The following LILRB2 variants were observed in gnomAD, a reference collection of about 807,000 sequenced individuals.
LILRB2 encodes leukocyte immunoglobulin-like receptor subfamily B member 2.
A neutral mutation model predicts 72.7 loss-of-function variants in LILRB2; 47 were observed. The ratio of observed to expected loss-of-function variants is 0.65; its 90% confidence interval spans 0.51 to 0.82. LILRB2 has a LOEUF of 0.82. LILRB2 is among the 40% of genes least tolerant of loss of function. The pLI, the probability that LILRB2 is intolerant of heterozygous loss-of-function variation, is 0.00. For synonymous variants in LILRB2, 279 were observed against 313.7 expected (o/e 0.89, Z 1.17); for missense variants, 767 against 764.8 (o/e 1.00, Z -0.03).
At position 54,274,005 on chromosome 19, in the gene LILRB2, A is replaced by G. The variant is rs956005253; in HGVS notation, c.*678T>C. On this transcript the variant is annotated 3_prime_UTR_variant, in exon 14 of 14. Transcript: ENST00000314446. ...ATCCATTTAATCTGCATTTTCTAGT[A>G]TATTGGTATAGGTTTGCAGCCTGTT... 3 of 152,468 alleles carry G rather than the reference A, an allele frequency of 2.0e-5. No individual in the cohort carries two copies. The highest frequency in any genetic ancestry group is 4.4e-5 in the Non-Finnish European group (3 of 68,256). The allele number at this position is 152,468 out of a possible 1,614,324, so 9.4% of individuals were successfully genotyped here. A position where few individuals can be genotyped will look rare whatever the true frequency, so the allele number is the denominator to read the frequency against.
In LILRB2 at chr19:54,277,809, G is replaced by A. The variant is rs576669306; in HGVS notation, c.1309+80C>T. The A allele has an allele frequency of 8.2e-5, 112 of 1,363,586 alleles. No individual in the cohort carries two copies. The African/African-American group carries it at 1.5e-3, about 19-fold the overall frequency. 84.5% of individuals were successfully genotyped at this position (1,363,586 alleles called of 1,614,324 possible). On this transcript the variant is annotated intron_variant, in intron 8 of 13. Transcript: ENST00000314446. ...GAAGCCCTTGATTGAGTCCCTGAAG[G>A]GAATGGGATCCTCCTGGACACTCAA...
chr19:54,279,375 G>T lies in LILRB2; in HGVS notation c.628C>A (p.Pro210Thr). 1.9e-6 allele frequency: 3 copies of T among 1,613,866 alleles called. No individual in the cohort carries two copies. Among genetic ancestry groups the T allele is most frequent in the Non-Finnish European group, 2.5e-6 (3 of 1,179,800 alleles). ...DLNSPYVWSS[P>T]SDLLELLVPG... ...ACCAGGAGCTCCAGGAGATCACTGG[G>T]TGAAGACCACACATAGGGAGAGTTC... Residue 210 changes from proline to threonine, a missense_variant, in exon 5 of 14, where the codon CCC (proline) becomes ACC (threonine). By Grantham distance (38) the Pro-to-Thr change is conservative. Transcript: ENST00000314446.
chr19:54,274,867 G>A (rs2080149378), intron 13 of LILRB2, 38 bp from the exon 14 acceptor site: 1 of 1,611,062 alleles, frequency 6.2e-7, no homozygotes, highest in Non-Finnish European at 8.5e-7. Context: ...GAACGTGGTG[G>A]GGGTGGGGGA....
rs146683137 is a variant in LILRB2, at chr19:54,274,733, T to C, written c.1744A>G (p.Arg582Gly). 0.024 allele frequency: 38,990 copies of C among 1,601,294 alleles called. 587 individuals are homozygous for C. The highest frequency in any genetic ancestry group is 0.029 in the Non-Finnish European group (33,890 of 1,177,998). Residue 582 changes from arginine (R) to glycine (G), a missense_variant, in exon 14 of 14, where the codon AGG becomes GGG. Arg to Gly is a moderately radical substitution (Grantham distance 125). Transcript: ENST00000314446. Reference sequence around the variant, plus strand: ...ATGCTGGGCTCAGCTGGAGGTTCCCTTTCCTGGGATGGAGGAGGCTCAGTT... The same window carrying C: ...ATGCTGGGCTCAGCTGGAGGTTCCCCTTCCTGGGATGGAGGAGGCTCAGTT... ...KATEPPPSQEREPPAEPSIYA... is the reference protein window; with the variant it reads ...KATEPPPSQEGEPPAEPSIYA...
intron 13 of LILRB2, chr19:54,275,185 G>A (rs1469621800): frequency 4.4e-6 from 6 of 1,378,918 alleles, no homozygotes; most frequent in South Asian, 1.4e-5. Context: ...TCTCAGGGAC[G>A]CCCTAAGGCC....
Position 54,277,889 on chromosome 19 carries a change from C to G in LILRB2, c.1309G>C (p.Gly437Arg). The G allele has an allele frequency of 6.5e-7, 1 of 1,548,724 alleles. No homozygotes were observed. The highest frequency in any genetic ancestry group is 8.7e-7 in the Non-Finnish European group (1 of 1,144,882). Residue 437 changes from glycine (G) to arginine (R), a missense_variant and splice_region_variant, in exon 8 of 14, where the codon GGC becomes CGC. Transcript: ENST00000314446. ...CGAGCCAGAGGCCTCAGGGACTCAC[C>G]AGGTGTGGAGATGGGACCGGTGGGT... ...PPPTGPISTP[G>R]PEDQPLTPTG...
chr19:54,276,139 T>C (rs2080210782), intron 12 of LILRB2, 125 bp downstream of exon 12: 3 of 1,556,818 alleles, frequency 1.9e-6, no homozygotes, highest in South Asian at 2.3e-5. Flanking sequence ...GGTCCCACAG[T>C]GTGGGGTGAG....
In LILRB2 at chr19:54,277,484, T is replaced by A. The variant is rs1312430632; in HGVS notation, c.1357+66A>T. 1.9e-6 allele frequency: 3 copies of A among 1,546,504 alleles called. No homozygotes were observed. In the African/African-American group the frequency reaches 4.1e-5, roughly 21 times the overall value. Reference sequence around the variant, plus strand: ...CACCACCTCCAGAGGAGCCTGAACCTAGGACAGAACCCACCCCTGCCTCCC... The same window carrying A: ...CACCACCTCCAGAGGAGCCTGAACCAAGGACAGAACCCACCCCTGCCTCCC... On this transcript the variant is annotated intron_variant, in intron 9 of 13. Transcript: ENST00000314446.
intron 9 of LILRB2, 119 bp from the exon 10 acceptor site, chr19:54,277,048 C>T (rs1198203352): frequency 2.0e-6 from 3 of 1,517,578 alleles, no homozygotes; most frequent in African/African-American, 2.8e-5. Flanking sequence ...TCGTGCAGCA[C>T]ACAAACATCC....
In LILRB2 at chr19:54,278,540, G is replaced by A. The variant is rs1430449563; in HGVS notation, c.978C>T (p.Phe326=). The part of the protein sequence containing the change: ...LITGQIRGTP[F]ISVQPGPTVA... ...CTGTGGGGCCTGGCTGCACTGAGAT[G>A]AAGGGTGTGCCACGGATCTGTCCTG... Residue 326 remains phenylalanine, a synonymous_variant, in exon 7 of 14, where the codon TTC becomes TTT. Transcript: ENST00000314446. 2 of 1,614,178 alleles carry A rather than the reference G, an allele frequency of 1.2e-6. No individual in the cohort carries two copies. The highest frequency in any genetic ancestry group is 1.7e-6 in the Non-Finnish European group (2 of 1,180,006).
chr19:54,279,695 A>T (rs763573001), intron 4 of LILRB2, 48 bp from the exon 5 acceptor site: 13 of 1,595,882 alleles, frequency 8.1e-6, no homozygotes, highest in Non-Finnish European at 1.1e-5. Context: ...CACCTCCCAC[A>T]TCATCCCCAG....
chr19:54,277,623 G>A (rs1452315093), intron 8 of LILRB2, 26 bp from the exon 9 acceptor site: 1 of 1,555,764 alleles, frequency 6.4e-7, no homozygotes. Flanking sequence ...GGGGAGGTGA[G>A]GGCTGGGGCT....
rs2080414465 is a variant in LILRB2, at chr19:54,279,083, TGA to T, written c.682_683del (p.Val229AlafsTer19). On this transcript the variant is annotated frameshift_variant, in exon 6 of 14. Coordinates refer to ENST00000314446, the MANE Select transcript of LILRB2 (RefSeq NM_001080978.4). LOFTEE classifies it high-confidence loss of function. ...GGGCCATGACAGGACCCGGCTGCACTGAGAGTGATGGCTTCTTAGAAACACCT... is the reference window on the plus strand; with the variant it reads ...GGGCCATGACAGGACCCGGCTGCACTGAGTGATGGCTTCTTAGAAACACCT... ...VPGVSKKPSLSVQPGPVMAPG... is the reference protein window; with the variant it reads ...VPGVSKKPSLXVQPGPVMAPG... 1 of 1,613,702 alleles carries T rather than the reference TGA, an allele frequency of 6.2e-7. No individual in the cohort carries two copies. The highest frequency in any genetic ancestry group is 1.7e-5 in the Admixed American group (1 of 59,976).
rs771422693 is a variant in LILRB2, at chr19:54,274,746, A to G, written c.1731T>C (p.Pro577=). ...LTLRRKATEP[P]PSQEREPPAE... ...CTGGAGGTTCCCTTTCCTGGGATGG[A>G]GGAGGCTCAGTTGCCTTCCGTCTGA... Residue 577 remains proline (P), a synonymous_variant, in exon 14 of 14, where the codon CCT becomes CCC. Transcript: ENST00000314446. 6 of 1,612,516 alleles carry G rather than the reference A, an allele frequency of 3.7e-6. No homozygotes were observed. The African/African-American group carries it at 5.4e-5, about 14-fold the overall frequency.
chr19:54,280,632 G>C, intron 1 of LILRB2, 88 bp from the exon 2 acceptor site: 3 of 1,531,182 alleles, frequency 2.0e-6, no homozygotes, highest in South Asian at 1.1e-5. Flanking sequence ...TTCTCATGGG[G>C]TGTTGTCATC....
At chr19:54,277,098 A>G in intron 9 of LILRB2, 169 bp from the exon 10 acceptor site, 1 of 1,503,950 alleles carries the variant, frequency 6.6e-7, no homozygotes, top group Middle Eastern at 1.9e-4. Flanking sequence ...ACGCTCAGAG[A>G]GGGGAATCGC....
At position 54,276,432 on chromosome 19, in the gene LILRB2, T is replaced by C. The variant is rs1465201383; in HGVS notation, c.1505A>G (p.His502Arg). The C allele has an allele frequency of 3.1e-6, 5 of 1,596,720 alleles. No individual in the cohort carries two copies. Among genetic ancestry groups the C allele is most frequent in the Non-Finnish European group, 3.4e-6 (4 of 1,166,978 alleles). ...CTCTGGCCCCACAGCCCCTGCAGGATGTTGGAAATCAGCCTTTCTCTGGGC... is the reference window on the plus strand; with the variant it reads ...CTCTGGCCCCACAGCCCCTGCAGGACGTTGGAAATCAGCCTTTCTCTGGGC... ...TSTQRKADFQ[H>R]PAGAVGPEPT... Residue 502 changes from histidine to arginine, a missense_variant, in exon 11 of 14, where the codon CAT (histidine) becomes CGT (arginine). Physicochemically the swap from His to Arg is conservative, Grantham distance 29. Around this residue, in one of 3 missense-constraint regions of LILRB2, gnomAD observed 162 missense variants for 176.7 expected, o/e 0.92. Transcript: ENST00000314446.
chr19:54,275,623 G>A (rs2080181827), intron 13 of LILRB2: 3 of 544,490 alleles, frequency 5.5e-6, no homozygotes, highest in Non-Finnish European at 1.1e-5. Flanking sequence ...AGCTCCCTGG[G>A]AACACTCACT....
chr19:54,277,639 G>C, intron 8 of LILRB2, 42 bp from the exon 9 acceptor site: 1 of 1,546,180 alleles, frequency 6.5e-7, no homozygotes, highest in Non-Finnish European at 8.7e-7. Context: ...GGGCTGCCCT[G>C]CTCCCCACAT....
Sources: gnomAD v4.1 joint callset for allele counts on GRCh38, gnomAD v4.1.1 for gene constraint, gnomAD v4.1.1 regional missense constraint, MANE v1.5 for transcripts, NCBI Gene and HGNC (gene_info 2026-07-23, HGNC 2026-07-21) for gene names.